Variants in KIF1A observed in about 807,000 individuals in gnomAD.
KIF1A encodes kinesin family member 1A.
In KIF1A, 46 loss-of-function variants were observed where a neutral mutation model predicts 227.3. That is an observed-to-expected ratio of 0.20 (90% CI 0.16 to 0.26). KIF1A has a LOEUF of 0.26. Ranked by LOEUF, KIF1A falls within the 10% of genes least tolerant of loss-of-function variation. The pLI is 1.00. For missense variants in KIF1A, 1,683 were observed against 2,485.9 expected (o/e 0.68, Z 6.87); for synonymous variants, 1,022 against 1,012.8 (o/e 1.01, Z -0.17).
intron 40 of KIF1A, 99 bp from the exon 41 acceptor site, chr2:240,724,135 T>A: frequency 9.6e-7 from 1 of 1,038,344 alleles, no homozygotes; most frequent in South Asian, 1.3e-5. Flanking sequence ...AAACGCACAG[T>A]CAGCCTGGCT....
rs1404036627 is a variant in KIF1A, at chr2:240,740,831, G to A, written c.3749+438C>T. ...GCTGCCAGCCACAGCCCAGCTCCCA[G>A]CTGCCCCCAGGGCACCAGGCAGACC... On this transcript the variant is annotated intron_variant, in intron 35 of 48. Transcript: ENST00000498729. This position sits in a 1 kb window ranked among gnomAD's most constrained non-coding sequence, Gnocchi z 6.1. Among the ~76,000 whole-genome samples, 1 of 152,050 alleles carries A rather than the reference G, an allele frequency of 6.6e-6. No individual in the cohort carries two copies. Among genetic ancestry groups the A allele is most frequent in the East Asian group, 1.9e-4 (1 of 5,172 alleles).
chr2:240,761,450 G>A (rs1355242008), intron 23 of KIF1A, 73 bp from the exon 24 acceptor site: 1 of 1,420,100 alleles, frequency 7.0e-7, no homozygotes, highest in Non-Finnish European at 9.3e-7. Flanking sequence ...CCCTCTGGAA[G>A]GTCAGGCTGG....
In KIF1A at chr2:240,790,657, C is replaced by T. The variant is rs1440587174; in HGVS notation, c.107-1345G>A. On this transcript the variant is annotated intron_variant, in intron 2 of 48. Transcript: ENST00000498729. This position sits in a 1 kb window ranked among gnomAD's most constrained non-coding sequence, Gnocchi z 5.0. ...TGTAATTAGTTAAGATGAGGTCCTACTCCATGAAGACGGGCCCTAATCTAG... is the reference window on the plus strand; with the variant it reads ...TGTAATTAGTTAAGATGAGGTCCTATTCCATGAAGACGGGCCCTAATCTAG... 6.6e-6 allele frequency among the ~76,000 whole-genome samples: 1 copy of T among 152,094 alleles called. No individual in the cohort carries two copies. Among genetic ancestry groups the T allele is most frequent in the African/African-American group, 2.4e-5 (1 of 41,424 alleles).
intron 9 of KIF1A, 108 bp from the exon 10 acceptor site, chr2:240,782,715 GCTCTA>G: frequency 8.5e-7 from 1 of 1,171,002 alleles, no homozygotes; most frequent in Non-Finnish European, 1.2e-6. Flanking sequence ...CATGACTCAG[GCTCTA>G]CCACCCCGTG....
chr2:240,735,040 C>A (rs1217523726), intron 38 of KIF1A, among the ~76,000 whole-genome samples: 1 of 152,204 alleles, frequency 6.6e-6, no homozygotes, highest in Non-Finnish European at 1.5e-5. Context: ...CCGTCCATGG[C>A]ACAGGAAGGC....
At position 240,726,021 on chromosome 2, in the gene KIF1A, G is replaced by C. The variant is rs2045963748; in HGVS notation, c.4123-617C>G. 6.6e-6 allele frequency: 1 copy of C among 152,324 alleles called. No individual in the cohort carries two copies. The highest frequency in any genetic ancestry group is 2.4e-5 in the African/African-American group (1 of 41,430). 9.4% of individuals were successfully genotyped at this position (152,324 alleles called of 1,614,324 possible). On this transcript the variant is annotated intron_variant, in intron 39 of 48. Coordinates refer to ENST00000498729, the MANE Select transcript of KIF1A (RefSeq NM_001244008.2). The surrounding 1 kb of genome is among the most constrained non-coding windows in gnomAD (Gnocchi z 5.2). ...ATAATTCGGCTGTAACTAAGGAGAG[G>C]GGATGTGCTTGCAGATGCCCCTGCC...
intron 20 of KIF1A, among the ~76,000 whole-genome samples, chr2:240,764,717 G>A (rs1281298701): frequency 6.6e-6 from 1 of 152,188 alleles, no homozygotes; most frequent in Non-Finnish European, 1.5e-5. Context: ...CTCCCTGGGT[G>A]TTGTGTGGAG....
chr2:240,722,412 G>T, intron 43 of KIF1A, 44 bp downstream of exon 43: 1 of 1,527,608 alleles, frequency 6.5e-7, no homozygotes. Context: ...CAGGGCCCTT[G>T]AGGGCCTGGG....
intron 1 of KIF1A, among the ~76,000 whole-genome samples, chr2:240,818,139 TG>T (rs1237228112): frequency 3.3e-5 from 5 of 152,140 alleles, no homozygotes; most frequent in African/African-American, 1.2e-4. Flanking sequence ...GGGACCTCCC[TG>T]GGCCCGGCCC....
intron 34 of KIF1A, 91 bp downstream of exon 34, chr2:240,742,838 G>A (rs1369467895): frequency 2.5e-6 from 3 of 1,183,854 alleles, no homozygotes; most frequent in East Asian, 2.5e-5. Context: ...CAGTCACAGA[G>A]GACAGCATTC....
chr2:240,771,580 C>T (rs936555348), intron 14 of KIF1A, among the ~76,000 whole-genome samples: 3 of 152,158 alleles, frequency 2.0e-5, no homozygotes, highest in South Asian at 2.1e-4. Flanking sequence ...CTGCATCTTC[C>T]CACCCTGTCC....
chr2:240,761,552 G>C (rs989610785), intron 23 of KIF1A, among the ~76,000 whole-genome samples, 175 bp from the exon 24 acceptor site: 2 of 152,198 alleles, frequency 1.3e-5, no homozygotes, highest in Non-Finnish European at 2.9e-5. Context: ...AAGGCTGGAA[G>C]GTTACTCCCC....
intron 1 of KIF1A, among the ~76,000 whole-genome samples, chr2:240,810,305 A>G (rs2057760116): frequency 6.6e-6 from 1 of 152,254 alleles, no homozygotes; most frequent in African/African-American, 2.4e-5. Context: ...ACAGAAGAAA[A>G]TGGGCAAAAA....
intron 38 of KIF1A, among the ~76,000 whole-genome samples, chr2:240,732,544 A>G (rs1575538491): frequency 2.0e-5 from 2 of 98,738 alleles, no homozygotes; most frequent in South Asian, 8.7e-4. Flanking sequence ...GGGATGAGGG[A>G]ATGAGGGAGG....
At chr2:240,768,548 T>G (rs940341360) in intron 17 of KIF1A, among the ~76,000 whole-genome samples, 15 of 152,112 alleles carry the variant, frequency 9.9e-5, no homozygotes, top group Non-Finnish European at 1.8e-4. Flanking sequence ...TTCCCAAGTG[T>G]GTGTGTCATG....
chr2:240,818,062 CA>C (rs2058455082), intron 1 of KIF1A, among the ~76,000 whole-genome samples: 1 of 152,142 alleles, frequency 6.6e-6, no homozygotes, highest in African/African-American at 2.4e-5. Flanking sequence ...AGGAGGCACC[CA>C]GGGGGGCAGC....
rs115951046 is a variant in KIF1A at position 240,799,168 on chromosome 2, G to A, written c.-60-1356C>T. On this transcript the variant is annotated intron_variant, in intron 1 of 48. Transcript: ENST00000498729. ...AAGGGTCTGTCTGCAGAAGGAAAGGGGGCACAGCAAGCCTGGGTCTGTCTG... is the reference window on the plus strand; with the variant it reads ...AAGGGTCTGTCTGCAGAAGGAAAGGAGGCACAGCAAGCCTGGGTCTGTCTG... Among the ~76,000 whole-genome samples the A allele has an allele frequency of 6.1e-3, 922 of 152,310 alleles. 15 individuals are homozygous for A. Among genetic ancestry groups the A allele is most frequent in the African/African-American group, 0.021 (864 of 41,564 alleles).
intron 41 of KIF1A, 22 bp from the exon 42 acceptor site, chr2:240,723,580 T>C: frequency 2.0e-6 from 3 of 1,521,264 alleles, no homozygotes; most frequent in Non-Finnish European, 2.7e-6. Flanking sequence ...ACGTGGACAT[T>C]CCACCCCTAC....
In KIF1A at chr2:240,789,149, G is replaced by A. The variant is rs1323350574; in HGVS notation, c.183+87C>T. 6 of 1,070,654 alleles carry A rather than the reference G, an allele frequency of 5.6e-6. No homozygotes were observed. Among genetic ancestry groups the A allele is most frequent in the South Asian group, 1.3e-5 (1 of 77,240 alleles). The allele number at this position is 1,070,654 out of a possible 1,614,324, so 66.3% of individuals were successfully genotyped here. A position where few individuals can be genotyped will look rare whatever the true frequency, so the allele number is the denominator to read the frequency against. On this transcript the variant is annotated intron_variant, in intron 3 of 48. Coordinates refer to ENST00000498729, the MANE Select transcript of KIF1A (RefSeq NM_001244008.2). This position sits in a 1 kb window ranked among gnomAD's most constrained non-coding sequence, Gnocchi z 4.8. The stretch of plus-strand genomic sequence containing the variant: ...CCTCGCCCCAGTTAGAGAGGAATGA[G>A]CGGCTCAGAGAAGTTGAGGGACCCC...
Sources: gnomAD v4.1 joint callset for allele counts (sites outside exome capture counted in the v4.1 genomes callset) on GRCh38, gnomAD v4.1.1 for gene constraint, Gnocchi (gnomAD v3.1) non-coding constraint, MANE v1.5 for transcripts, NCBI Gene and HGNC (gene_info 2026-07-23, HGNC 2026-07-21) for gene names.